The following EHBP1 variants were observed in gnomAD, a reference collection of about 807,000 sequenced individuals.
The protein encoded by EHBP1 is EH domain binding protein 1.
Under a neutral mutation model 144.0 loss-of-function variants are expected in EHBP1, and 55 were observed. The ratio of observed to expected loss-of-function variants is 0.38; its 90% CI spans 0.31 to 0.48. EHBP1 has a LOEUF of 0.48. Ranked by LOEUF, EHBP1 falls within the 20% of genes least tolerant of loss-of-function variation. The pLI is 0.98. For missense variants in EHBP1, 1,200 were observed against 1,364.2 expected (o/e 0.88, Z 1.90); for synonymous variants, 469 against 472.7 (o/e 0.99, Z 0.10).
intron 5 of EHBP1, among the ~76,000 whole-genome samples, chr2:62,789,109 G>A (rs2043008912): frequency 6.6e-6 from 1 of 152,152 alleles, no homozygotes; most frequent in South Asian, 2.1e-4. Flanking sequence ...GATATTGCTG[G>A]CCCTTTATAA....
intron 20 of EHBP1, among the ~76,000 whole-genome samples, chr2:63,038,131 T>C (rs544124620): frequency 6.6e-6 from 1 of 152,286 alleles, no homozygotes; most frequent in African/African-American, 2.4e-5. Context: ...AGACAAAATG[T>C]AAGCATTCTT....
At chr2:63,006,766 A>G (rs1313562689) in intron 19 of EHBP1, among the ~76,000 whole-genome samples, 2 of 151,784 alleles carry the variant, frequency 1.3e-5, no homozygotes, top group Non-Finnish European at 2.9e-5. Context: ...TTTATTTAAT[A>G]AGACTTTTGA....
chr2:62,835,661 G>A (rs1242443376), intron 7 of EHBP1, among the ~76,000 whole-genome samples: 2 of 152,186 alleles, frequency 1.3e-5, no homozygotes, highest in Admixed American at 6.5e-5. Context: ...GAAGCAGGGC[G>A]AGGCATTGCC....
intron 15 of EHBP1, chr2:62,988,012 A>G: frequency 1.2e-6 from 2 of 1,606,968 alleles, no homozygotes; most frequent in East Asian, 2.3e-5. Flanking sequence ...GAACTTACTA[A>G]CTTAGAAAAT....
At chr2:63,021,681 G>A (rs2060755436) in intron 19 of EHBP1, among the ~76,000 whole-genome samples, 1 of 152,100 alleles carries the variant, frequency 6.6e-6, no homozygotes, top group Non-Finnish European at 1.5e-5. Context: ...GTATGCGTTG[G>A]CCCCTGAGTC....
intron 2 of EHBP1, among the ~76,000 whole-genome samples, chr2:62,729,535 ATAAT>A (rs1213344004): frequency 3.3e-5 from 4 of 121,608 alleles, no homozygotes; most frequent in South Asian, 4.4e-4. Flanking sequence ...TATAATATAT[ATAAT>A]ATATATTATA....
At chr2:62,914,369 T>TG (rs2054448665) in intron 10 of EHBP1, among the ~76,000 whole-genome samples, 1 of 152,106 alleles carries the variant, frequency 6.6e-6, no homozygotes, top group African/African-American at 2.4e-5. Context: ...TAAAGATTCT[T>TG]GGGGGGAGAA....
At chr2:62,686,367 G>T (rs1348812848) in intron 1 of EHBP1, among the ~76,000 whole-genome samples, 2 of 152,120 alleles carry the variant, frequency 1.3e-5, no homozygotes, top group Non-Finnish European at 2.9e-5. Context: ...TAATTCCAGG[G>T]CCAAGTCTTG....
At chr2:63,038,024 C>T (rs2288220) in intron 20 of EHBP1, among the ~76,000 whole-genome samples, 2 of 152,072 alleles carry the variant, frequency 1.3e-5, no homozygotes, top group African/African-American at 4.8e-5. Flanking sequence ...CATTTATAGT[C>T]TCAGGTGATG....
intron 2 of EHBP1, among the ~76,000 whole-genome samples, chr2:62,723,892 T>G (rs2036477717): frequency 6.6e-6 from 1 of 152,156 alleles, no homozygotes; most frequent in Admixed American, 6.5e-5. Flanking sequence ...GACCTGACCT[T>G]TCTCTCTAGC....
intron 5 of EHBP1, among the ~76,000 whole-genome samples, chr2:62,801,518 A>G (rs2043986163): frequency 6.6e-6 from 1 of 152,214 alleles, no homozygotes; most frequent in Admixed American, 6.5e-5. Flanking sequence ...TTTTTTCAAA[A>G]TGCATTTGAT....
intron 18 of EHBP1, among the ~76,000 whole-genome samples, chr2:62,994,906 C>G (rs1242227340): frequency 6.6e-6 from 1 of 152,118 alleles, no homozygotes; most frequent in Non-Finnish European, 1.5e-5. Context: ...ATACTATGTA[C>G]TCACACTACA....
chr2:62,857,552 A>C (rs1307425451), intron 7 of EHBP1, among the ~76,000 whole-genome samples: 2 of 152,132 alleles, frequency 1.3e-5, no homozygotes, highest in South Asian at 4.1e-4. Context: ...CAATCGTTTT[A>C]TTTCTTTCCT....
intron 10 of EHBP1, among the ~76,000 whole-genome samples, chr2:62,918,521 G>T (rs1033830886): frequency 6.6e-6 from 1 of 152,098 alleles, no homozygotes; most frequent in African/African-American, 2.4e-5. Context: ...AATATAACCT[G>T]CAAGCATCTC....
intron 14 of EHBP1, among the ~76,000 whole-genome samples, chr2:62,971,685 G>A (rs2058503229): frequency 6.6e-6 from 1 of 152,196 alleles, no homozygotes; most frequent in Non-Finnish European, 1.5e-5. Flanking sequence ...AAATTGGAAT[G>A]ATAGCAGCTA....
chr2:62,744,677 C>CATAT lies in EHBP1; in HGVS notation c.105-2714_105-2711dup, dbSNP rs1408245153. On this transcript the variant is annotated intron_variant, in intron 2 of 22. Coordinates refer to ENST00000431489, the MANE Select transcript of EHBP1 (RefSeq NM_001142616.3). The stretch of plus-strand genomic sequence containing the variant: ...CTATTTACATTCTTGGAACATCAGG[C>CATAT]ATATATACAGCTTAGGAGACCGCCC... Among the ~76,000 whole-genome samples the CATAT allele has an allele frequency of 2.0e-5, 3 of 152,098 alleles. No individual in the cohort carries two copies. The East Asian group carries it at 5.8e-4, about 29-fold the overall frequency.
chr2:62,896,619 T>C (rs2052959709), intron 10 of EHBP1, among the ~76,000 whole-genome samples: 1 of 151,900 alleles, frequency 6.6e-6, no homozygotes, highest in South Asian at 2.1e-4. Context: ...GCTTCTTGCA[T>C]CAGTGTCTTA....
At chr2:62,751,254 G>C (rs1466688110) in intron 3 of EHBP1, among the ~76,000 whole-genome samples, 1 of 152,140 alleles carries the variant, frequency 6.6e-6, no homozygotes. Flanking sequence ...TGTGGTTTTT[G>C]TCTTTGGTTC....
intron 13 of EHBP1, 100 bp downstream of exon 13, chr2:62,949,262 AGT>A (rs2057251508): frequency 1.8e-6 from 2 of 1,086,834 alleles, no homozygotes; most frequent in Non-Finnish European, 2.6e-6. Context: ...TTAAAGGTGA[AGT>A]GTAATTTCTA....
Sources: gnomAD v4.1 joint callset for allele counts (sites outside exome capture counted in the v4.1 genomes callset) on GRCh38, gnomAD v4.1.1 for gene constraint, MANE v1.5 for transcripts, NCBI Gene and HGNC (gene_info 2026-07-23, HGNC 2026-07-21) for gene names.